Variants in LSAMP observed in about 807,000 individuals in gnomAD.
The protein encoded by LSAMP is limbic system associated membrane protein.
LSAMP carries 7 observed loss-of-function variants against 38.6 expected under a neutral mutation model. That is an observed-to-expected ratio of 0.18 (90% CI 0.10 to 0.34). The LOEUF is 0.34. LSAMP is among the 10% of genes least tolerant of loss of function. LSAMP has a pLI of 1.00. For missense variants in LSAMP, 313 were observed against 420.0 expected (o/e 0.75, Z 2.23); for synonymous variants, 154 against 166.8 (o/e 0.92, Z 0.59).
In LSAMP at chr3:115,854,250, ATATTATTAT is replaced by A. The variant is rs769267859; in HGVS notation, c.515-1642_515-1634del. On this transcript the variant is annotated intron_variant, in intron 3 of 6. Coordinates refer to ENST00000490035, the MANE Select transcript of LSAMP (RefSeq NM_002338.5). Reference sequence around the variant, plus strand: ...GAATTAGTCTATAGCATATAGTTAAATATTATTATTATTATTATTATTATTATTATTATT... The same window carrying A: ...GAATTAGTCTATAGCATATAGTTAAATATTATTATTATTATTATTATTATT... 4.9e-4 allele frequency among the ~76,000 whole-genome samples: 61 copies of A among 124,202 alleles called. 1 individual carries two copies. Among genetic ancestry groups the A allele is most frequent in the African/African-American group, 1.0e-3 (34 of 33,684 alleles). The allele number at this position is 124,202 out of a possible 152,430, so 81.5% of individuals were successfully genotyped here.
intron 1 of LSAMP, among the ~76,000 whole-genome samples, chr3:116,158,213 T>A (rs932945707): frequency 3.3e-5 from 5 of 152,104 alleles, no homozygotes; most frequent in African/African-American, 4.8e-5. Context: ...TTCATAATAA[T>A]AAGAGCCATC....
intron 3 of LSAMP, among the ~76,000 whole-genome samples, chr3:115,887,940 A>C (rs1278798119): frequency 6.6e-6 from 1 of 151,944 alleles, no homozygotes; most frequent in Non-Finnish European, 1.5e-5. Flanking sequence ...TTAAATATAA[A>C]ATCAAACTAT....
chr3:116,255,424 G>C (rs564456851), intron 1 of LSAMP, among the ~76,000 whole-genome samples: 2 of 152,138 alleles, frequency 1.3e-5, no homozygotes, highest in Non-Finnish European at 2.9e-5. Flanking sequence ...ACACAATGCA[G>C]GAGTCCACAA....
chr3:116,301,501 A>G (rs1576493348), intron 1 of LSAMP, among the ~76,000 whole-genome samples: 1 of 152,340 alleles, frequency 6.6e-6, no homozygotes, highest in East Asian at 1.9e-4. Context: ...TTTATCTGAA[A>G]AACAGGTAGA....
At chr3:116,008,788 C>T (rs1352451281) in intron 3 of LSAMP, among the ~76,000 whole-genome samples, 1 of 151,998 alleles carries the variant, frequency 6.6e-6, no homozygotes, top group Non-Finnish European at 1.5e-5. Flanking sequence ...GGGAAAGGTC[C>T]CTAACTGCTA....
chr3:116,296,713 A>G (rs2047340060), intron 1 of LSAMP, among the ~76,000 whole-genome samples: 1 of 150,994 alleles, frequency 6.6e-6, no homozygotes, highest in Non-Finnish European at 1.5e-5. Flanking sequence ...AAAAAAAAAA[A>G]AAAAAAAAAA....
intron 6 of LSAMP, among the ~76,000 whole-genome samples, chr3:115,811,419 GA>G (rs1467102710): frequency 1.3e-5 from 2 of 152,056 alleles, no homozygotes; most frequent in African/African-American, 4.8e-5. Context: ...CCATTAAAGT[GA>G]AAAAATAGTA....
chr3:116,415,986 C>T (rs1160746306), intron 1 of LSAMP, among the ~76,000 whole-genome samples: 1 of 152,116 alleles, frequency 6.6e-6, no homozygotes, highest in Non-Finnish European at 1.5e-5. Flanking sequence ...AAAGTGATGA[C>T]ATTCACAAAG....
chr3:115,890,788 T>C (rs1559868986), intron 3 of LSAMP, among the ~76,000 whole-genome samples: 1 of 151,904 alleles, frequency 6.6e-6, no homozygotes, highest in Non-Finnish European at 1.5e-5. Flanking sequence ...AAGAGTTTCA[T>C]GCAGCCAAAG....
intron 1 of LSAMP, among the ~76,000 whole-genome samples, chr3:116,392,195 C>G (rs551487726): frequency 1.1e-4 from 16 of 152,292 alleles, no homozygotes; most frequent in South Asian, 2.1e-4. Context: ...CAAGCGGGAG[C>G]CCTGCCCATT....
At chr3:116,135,302 T>C (rs1467774651) in intron 1 of LSAMP, among the ~76,000 whole-genome samples, 2 of 152,182 alleles carry the variant, frequency 1.3e-5, no homozygotes, top group East Asian at 1.9e-4. Context: ...ACAACGTTTA[T>C]AAAGGGCATT....
chr3:116,085,760 A>C (rs1707975570), intron 2 of LSAMP, among the ~76,000 whole-genome samples: 1 of 152,190 alleles, frequency 6.6e-6, no homozygotes, highest in Non-Finnish European at 1.5e-5. Context: ...TACTTTGCAG[A>C]TCTTTGTCAC....
At chr3:116,321,516 C>T (rs2047705948) in intron 1 of LSAMP, among the ~76,000 whole-genome samples, 1 of 152,148 alleles carries the variant, frequency 6.6e-6, no homozygotes, top group Admixed American at 6.5e-5. Flanking sequence ...CTCACTGAAT[C>T]CACACAACAT....
At chr3:116,368,486 A>C (rs1429559462) in intron 1 of LSAMP, among the ~76,000 whole-genome samples, 1 of 152,204 alleles carries the variant, frequency 6.6e-6, no homozygotes, top group Non-Finnish European at 1.5e-5. Flanking sequence ...TTCTTAAAAA[A>C]GTAAAGGATC....
chr3:116,300,777 G>A (rs1324280787), intron 1 of LSAMP, among the ~76,000 whole-genome samples: 1 of 152,070 alleles, frequency 6.6e-6, no homozygotes, highest in Non-Finnish European at 1.5e-5. Flanking sequence ...GTGCCAAAAA[G>A]TTTGGGGATG....
chr3:116,405,277 T>C (rs1289030286), intron 1 of LSAMP, among the ~76,000 whole-genome samples: 2 of 152,104 alleles, frequency 1.3e-5, no homozygotes, highest in African/African-American at 4.8e-5. Flanking sequence ...ACTATCAAAA[T>C]TGCAGGAATT....
chr3:115,963,406 G>T (rs1318425255), intron 3 of LSAMP, among the ~76,000 whole-genome samples: 1 of 152,152 alleles, frequency 6.6e-6, no homozygotes, highest in East Asian at 1.9e-4. Context: ...GAGTATATTT[G>T]AATTTGGAGG....
intron 1 of LSAMP, among the ~76,000 whole-genome samples, chr3:116,329,267 AC>A (rs2047817681): frequency 6.6e-6 from 1 of 152,178 alleles, no homozygotes. Context: ...GGTTAGACAA[AC>A]TAAAGCAGAG....
At chr3:116,346,393 A>C (rs1194144522) in intron 1 of LSAMP, among the ~76,000 whole-genome samples, 2 of 149,544 alleles carry the variant, frequency 1.3e-5, no homozygotes, top group Non-Finnish European at 3.0e-5. Flanking sequence ...CAGTGGTACC[A>C]TCTCAGTTCA....
Sources: allele counts gnomAD v4.1 joint callset (sites outside exome capture counted in the v4.1 genomes callset), GRCh38; gene constraint gnomAD v4.1.1; transcripts MANE v1.5; gene names NCBI Gene and HGNC (gene_info 2026-07-23, HGNC 2026-07-21).